Variants in ST6GALNAC3 observed in about 807,000 individuals in gnomAD.
ST6GALNAC3 encodes alpha-N-acetylgalactosaminide alpha-2,6-sialyltransferase 3.
Under a neutral mutation model 32.7 loss-of-function variants are expected in ST6GALNAC3, and 25 were observed. The ratio of observed to expected loss-of-function variants is 0.76; its 90% CI spans 0.56 to 1.07. ST6GALNAC3 has a LOEUF of 1.07. ST6GALNAC3 is among the 50% of genes least tolerant of loss of function. ST6GALNAC3 has a pLI of 0.00. For synonymous variants in ST6GALNAC3, 129 were observed against 133.1 expected, an observed-to-expected ratio of 0.97 and a Z score of 0.21; for missense variants, 355 against 382.4, an observed-to-expected ratio of 0.93 and a Z score of 0.60.
At chr1:76,401,652 T>C (rs2101217956) in intron 2 of ST6GALNAC3, among the ~76,000 whole-genome samples, 1 of 152,332 alleles carries the variant, frequency 6.6e-6, no homozygotes, top group South Asian at 2.1e-4. Context: ...GATTTTTCTT[T>C]GGTTGTTCTA....
At chr1:76,302,481 T>C (rs1660783829) in intron 1 of ST6GALNAC3, among the ~76,000 whole-genome samples, 1 of 152,048 alleles carries the variant, frequency 6.6e-6, no homozygotes. Context: ...TTCAGCTTTT[T>C]GCAGAGGTCT....
At chr1:76,582,399 G>A (rs536560927) in intron 3 of ST6GALNAC3, among the ~76,000 whole-genome samples, 10 of 152,182 alleles carry the variant, frequency 6.6e-5, no homozygotes, top group African/African-American at 1.9e-4. Flanking sequence ...GGTGGACATC[G>A]GATAGACTTT....
At chr1:76,234,523 C>T (rs1227609863) in intron 1 of ST6GALNAC3, among the ~76,000 whole-genome samples, 2 of 152,208 alleles carry the variant, frequency 1.3e-5, no homozygotes, top group African/African-American at 2.4e-5. Context: ...AAGGCCGATG[C>T]CTATCTCTAG....
At chr1:76,152,433 C>A (rs1651104305) in intron 1 of ST6GALNAC3, among the ~76,000 whole-genome samples, 1 of 152,216 alleles carries the variant, frequency 6.6e-6, no homozygotes, top group Non-Finnish European at 1.5e-5. Context: ...GCCTTGTGCA[C>A]ACCACATACT....
chr1:76,575,044 C>T (rs1278614737), intron 3 of ST6GALNAC3, among the ~76,000 whole-genome samples: 2 of 152,012 alleles, frequency 1.3e-5, no homozygotes, highest in Non-Finnish European at 2.9e-5. Context: ...TTGAAGCAGC[C>T]AAAATATTCA....
chr1:76,343,291 C>G (rs1648214475), intron 2 of ST6GALNAC3, among the ~76,000 whole-genome samples: 1 of 151,948 alleles, frequency 6.6e-6, no homozygotes, highest in South Asian at 2.1e-4. Flanking sequence ...TTTTTAGACT[C>G]ATAGTAACAA....
intron 2 of ST6GALNAC3, among the ~76,000 whole-genome samples, chr1:76,387,261 T>C (rs1321038919): frequency 1.3e-5 from 2 of 152,158 alleles, no homozygotes; most frequent in Non-Finnish European, 2.9e-5. Flanking sequence ...GCACTAAATG[T>C]AAGCTCCCTG....
At chr1:76,147,665 A>G (rs1305692374) in intron 1 of ST6GALNAC3, among the ~76,000 whole-genome samples, 1 of 152,198 alleles carries the variant, frequency 6.6e-6, no homozygotes, top group Non-Finnish European at 1.5e-5. Context: ...TTGTTTGTTC[A>G]TGCTGTGTCC....
At chr1:76,534,562 G>A (rs926455005) in intron 3 of ST6GALNAC3, among the ~76,000 whole-genome samples, 15 of 151,984 alleles carry the variant, frequency 9.9e-5, no homozygotes, top group African/African-American at 3.6e-4. Flanking sequence ...TTTCTCCCTT[G>A]TCTCTCATGT....
intron 1 of ST6GALNAC3, among the ~76,000 whole-genome samples, chr1:76,080,516 G>C (rs1275444649): frequency 6.6e-6 from 1 of 151,878 alleles, no homozygotes; most frequent in Admixed American, 6.6e-5. Context: ...ATCTGGGGTT[G>C]GGGGGATGGG....
intron 3 of ST6GALNAC3, among the ~76,000 whole-genome samples, chr1:76,558,153 T>C (rs963342013): frequency 2.6e-5 from 4 of 152,144 alleles, no homozygotes; most frequent in African/African-American, 9.7e-5. Flanking sequence ...GGAATGTAAA[T>C]TAGTTCAGCC....
intron 3 of ST6GALNAC3, among the ~76,000 whole-genome samples, chr1:76,419,638 ATC>A (rs1353638253): frequency 6.6e-6 from 1 of 152,084 alleles, no homozygotes; most frequent in Non-Finnish European, 1.5e-5. Flanking sequence ...GCCAGCAGCA[ATC>A]TCTGTTTTTT....
intron 1 of ST6GALNAC3, among the ~76,000 whole-genome samples, chr1:76,276,026 G>T (rs903725201): frequency 2.0e-5 from 3 of 151,970 alleles, no homozygotes. Context: ...TTTTATATTT[G>T]CAACCCACAT....
chr1:76,346,581 G>A (rs1412512395), intron 2 of ST6GALNAC3, among the ~76,000 whole-genome samples: 3 of 152,202 alleles, frequency 2.0e-5, no homozygotes, highest in Admixed American at 6.5e-5. Flanking sequence ...TGACCTGTAC[G>A]ATTTACTTTG....
intron 1 of ST6GALNAC3, among the ~76,000 whole-genome samples, chr1:76,281,865 G>A (rs1659514900): frequency 6.6e-6 from 1 of 152,146 alleles, no homozygotes; most frequent in Non-Finnish European, 1.5e-5. Flanking sequence ...GTAAGGAAAG[G>A]GAGGAAGGAA....
chr1:76,352,788 C>G (rs915418400), intron 2 of ST6GALNAC3, among the ~76,000 whole-genome samples: 1 of 152,080 alleles, frequency 6.6e-6, no homozygotes, highest in Non-Finnish European at 1.5e-5. Context: ...GTTCTACATT[C>G]CTCCTCGTTC....
intron 3 of ST6GALNAC3, among the ~76,000 whole-genome samples, chr1:76,424,941 C>T (rs543342414): frequency 2.6e-5 from 4 of 151,960 alleles, no homozygotes; most frequent in South Asian, 2.1e-4. Flanking sequence ...TGAACACCTC[C>T]GTGATATTTG....
rs1051305197 is a variant in ST6GALNAC3 at position 76,560,430 on chromosome 1, C to T, written c.624-67022C>T. 4.8e-4 allele frequency among the ~76,000 whole-genome samples: 73 copies of T among 152,106 alleles called. 1 individual carries two copies. The highest frequency in any genetic ancestry group is 1.7e-3 in the African/African-American group (70 of 41,496). ...ATGGGAGAAAATACTTGCAAACTACCCATCTGACAAGAGATTAACAACCAG... is the reference window on the plus strand; with the variant it reads ...ATGGGAGAAAATACTTGCAAACTACTCATCTGACAAGAGATTAACAACCAG... On this transcript the variant is annotated intron_variant, in intron 3 of 4. Coordinates refer to ENST00000328299, the MANE Select transcript of ST6GALNAC3 (RefSeq NM_152996.4).
chr1:76,280,041 A>T, intron 1 of ST6GALNAC3, among the ~76,000 whole-genome samples: 1 of 149,924 alleles, frequency 6.7e-6, no homozygotes. Flanking sequence ...CCCTTTTCTC[A>T]TTTTTCGTTC....
Sources: allele counts gnomAD v4.1 joint callset (sites outside exome capture counted in the v4.1 genomes callset), GRCh38; gene constraint gnomAD v4.1.1; transcripts MANE v1.5; gene names NCBI Gene and HGNC (gene_info 2026-07-23, HGNC 2026-07-21).